The following CCNG1 variants were observed in gnomAD, a reference collection of about 807,000 sequenced individuals.
CCNG1 encodes cyclin G1.
CCNG1 carries 13 observed loss-of-function variants against 30.0 expected under a neutral mutation model. The ratio of observed to expected loss-of-function variants is 0.43; its 90% CI spans 0.28 to 0.69. The LOEUF is 0.69. Among genes scored for constraint, CCNG1 ranks in the 30% least tolerant of loss-of-function variants. The pLI is 0.16. For missense variants in CCNG1, 285 were observed against 331.4 expected, an observed-to-expected ratio of 0.86 and a Z score of 1.09; for synonymous variants, 110 against 121.5, an observed-to-expected ratio of 0.91 and a Z score of 0.62.
chr5:163,444,870 A>G lies in CCNG1; in HGVS notation c.*1200A>G, dbSNP rs1053481657. The G allele has an allele frequency of 6.6e-6, 1 of 152,636 alleles. No homozygotes were observed. The highest frequency in any genetic ancestry group is 2.4e-5 in the African/African-American group (1 of 41,454). 9.5% of individuals were successfully genotyped at this position (152,636 alleles called of 1,614,324 possible). ...CTTTTGTAAACCATGTTTTATGGGTAACTTTTTAGTTTTCCCAAAAGGCTG... is the reference window on the plus strand; with the variant it reads ...CTTTTGTAAACCATGTTTTATGGGTGACTTTTTAGTTTTCCCAAAAGGCTG... On this transcript the variant is annotated 3_prime_UTR_variant, in exon 7 of 7. Transcript: ENST00000340828.
At chr5:163,445,355 GCTCT>G (rs1374255131), downstream of CCNG1, among the ~76,000 whole-genome samples, 1 of 150,872 alleles carries the variant, frequency 6.6e-6, no homozygotes, top group East Asian at 2.0e-4. Context: ...ATTATAAAAA[GCTCT>G]CTCTACCCAG....
At position 163,441,311 on chromosome 5, in the gene CCNG1, A is replaced by G. The variant is rs750296999; in HGVS notation, c.498A>G (p.Gln166=). 6.2e-7 allele frequency: 1 copy of G among 1,613,824 alleles called. No individual in the cohort carries two copies. Among genetic ancestry groups the G allele is most frequent in the Non-Finnish European group, 8.5e-7 (1 of 1,179,806 alleles). Residue 166 remains glutamine, a synonymous_variant, in exon 3 of 7, where the codon CAA becomes CAG. Coordinates refer to ENST00000340828, the MANE Select transcript of CCNG1 (RefSeq NM_004060.4). ...TGCAACTGTATTATTCACTCCTTCA[A>G]GAGAACTTGCCACTTGAAAGGTAAG... ...QFLQLYYSLL[Q]ENLPLERRNS... is the part of the protein sequence containing the mutation.
At chr5:163,450,465 TA>T, downstream of CCNG1, 1 of 152,186 alleles carries the variant, frequency 6.6e-6, no homozygotes. Context: ...CCAGAATATA[TA>T]AAGACTCTTA....
In CCNG1 at chr5:163,443,267, G is replaced by A. The variant is rs375134030; in HGVS notation, c.*4-407G>A. Among the ~76,000 whole-genome samples the A allele has an allele frequency of 3.3e-4, 49 of 148,552 alleles. No homozygotes were observed. The East Asian group carries it at 8.8e-3, about 27-fold the overall frequency. ...GCGGAGTTTGCAGTGAGCTGAGATC[G>A]CGCCACTACACTCCAGCCTGGGCGA... On this transcript the variant is annotated intron_variant, in intron 6 of 6. Coordinates refer to ENST00000340828, the MANE Select transcript of CCNG1 (RefSeq NM_004060.4).
chr5:163,441,625 A>G (rs751077451), intron 3 of CCNG1: 7 of 480,308 alleles, frequency 1.5e-5, no homozygotes, highest in Non-Finnish European at 2.2e-5. Context: ...AATATTTATT[A>G]AAACTAAAAG....
chr5:163,441,398 A>T (rs765863921), intron 3 of CCNG1, 67 bp downstream of exon 3: 141 of 1,376,842 alleles, frequency 1.0e-4, no homozygotes, highest in Non-Finnish European at 1.3e-4. Flanking sequence ...GATATTGCAT[A>T]AAATCAGTAT....
the CCNG1 span, chr5:163,451,680 T>G: frequency 2.6e-5 from 4 of 152,098 alleles, no homozygotes; most frequent in East Asian, 1.9e-4. Flanking sequence ...CCAGGCAGGA[T>G]GAGGAGGACA....
intron 6 of CCNG1, 37 bp from the exon 7 acceptor site, chr5:163,443,637 T>G: frequency 8.4e-7 from 1 of 1,196,992 alleles, no homozygotes; most frequent in South Asian, 1.3e-5. Flanking sequence ...CTGGCTTCTG[T>G]TAAGTTGGAT....
chr5:163,442,449 T>C lies in CCNG1; in HGVS notation c.772T>C (p.Ser258Pro), dbSNP rs1254777054. 2.2e-5 allele frequency: 35 copies of C among 1,614,050 alleles called. No homozygotes were observed. The highest frequency in any genetic ancestry group is 2.9e-5 in the Non-Finnish European group (34 of 1,179,938). Residue 258 changes from serine to proline, a missense_variant, in exon 6 of 7, where the codon TCC (serine) becomes CCC (proline). By Grantham distance (74) the Ser-to-Pro change is moderately conservative (BLOSUM62 -1). Transcript: ENST00000340828. ...CLTEYSSNKC[S>P]KPNVQKLKWI... ...AACTGAATATTCATCAAATAAGTGT[T>C]CCAAACCAAATGTTCAGAAGTTGAA... is the stretch of plus-strand genomic sequence containing the variant.
At chr5:163,449,040 G>C (rs1183671376), downstream of CCNG1, 1 of 152,196 alleles carries the variant, frequency 6.6e-6, no homozygotes, top group African/African-American at 2.4e-5. Context: ...TCCAGAACAA[G>C]ACTGAGATGG....
chr5:163,449,075 G>A (rs1758113554), downstream of CCNG1: 1 of 152,048 alleles, frequency 6.6e-6, no homozygotes, highest in African/African-American at 2.4e-5. Flanking sequence ...TTATTGTTCT[G>A]GCCACTGCAA....
intron 1 of CCNG1, among the ~76,000 whole-genome samples, chr5:163,438,943 T>C (rs1350931496): frequency 1.3e-5 from 2 of 151,680 alleles, no homozygotes; most frequent in African/African-American, 4.9e-5. Flanking sequence ...GGAGAATCGC[T>C]TGAACCAGGG....
At chr5:163,450,128 G>A (rs1668768209), downstream of CCNG1, 1 of 152,204 alleles carries the variant, frequency 6.6e-6, no homozygotes, top group African/African-American at 2.4e-5. Context: ...GGGAGTGGTG[G>A]TGCACACCTG....
intron 3 of CCNG1, 198 bp from the exon 4 acceptor site, chr5:163,441,688 C>T: frequency 1.9e-6 from 1 of 537,438 alleles, no homozygotes; most frequent in South Asian, 2.8e-5. Context: ...TTTTTTGGCC[C>T]AAATCATCTA....
the CCNG1 span, chr5:163,451,258 A>G: frequency 6.6e-6 from 1 of 152,204 alleles, no homozygotes; most frequent in East Asian, 1.9e-4. Flanking sequence ...CACACCTTAA[A>G]TGGGTGAAAT....
Position 163,443,874 on chromosome 5 carries a change from C to A in CCNG1, c.*204C>A. The A allele has an allele frequency of 1.9e-6, 1 of 533,096 alleles. No homozygotes were observed. The highest frequency in any genetic ancestry group is 3.2e-6 in the Non-Finnish European group (1 of 308,284). The allele number at this position is 533,096 out of a possible 1,614,324, so 33.0% of individuals were successfully genotyped here. A position where few individuals can be genotyped will look rare whatever the true frequency, so the allele number is the denominator to read the frequency against. The stretch of plus-strand genomic sequence containing the variant: ...GATTTGAATTCATCTGTGAAGCATT[C>A]AAATCAAAGCTAAAAGCCTAAATGT... On this transcript the variant is annotated 3_prime_UTR_variant, in exon 7 of 7. Coordinates refer to ENST00000340828, the MANE Select transcript of CCNG1 (RefSeq NM_004060.4).
chr5:163,446,576 G>A (rs1046305613), downstream of CCNG1: 1 of 152,144 alleles, frequency 6.6e-6, no homozygotes, highest in African/African-American at 2.4e-5. Context: ...ATTAACTTCT[G>A]TGCTGTCATC....
rs2069354 is a variant in CCNG1, at chr5:163,442,303, A to G, written c.697-71A>G. On this transcript the variant is annotated intron_variant, in intron 5 of 6. Transcript: ENST00000340828. ...CAAAGACACATGTTCATAGGATTGC[A>G]TTTATTAATGTAGTTAAATAAGGTG... 3,260 of 1,258,672 alleles carry G rather than the reference A, an allele frequency of 2.6e-3. 65 individuals are homozygous for G. In the African/African-American group the frequency reaches 0.04, roughly 16 times the overall value. 78.0% of individuals were successfully genotyped at this position (1,258,672 alleles called of 1,614,324 possible).
At chr5:163,455,241 T>G in the CCNG1 span, among the ~76,000 whole-genome samples, 1 of 152,266 alleles carries the variant, frequency 6.6e-6, no homozygotes, top group Non-Finnish European at 1.5e-5. Flanking sequence ...ACATAAAAGT[T>G]AGCCAAACTG....
Sources: gnomAD v4.1 joint callset for allele counts (sites outside exome capture counted in the v4.1 genomes callset) on GRCh38, gnomAD v4.1.1 for gene constraint, MANE v1.5 for transcripts, NCBI Gene and HGNC (gene_info 2026-07-23, HGNC 2026-07-21) for gene names.